CDH13: variants seen among roughly 807,000 people sequenced by gnomAD.
CDH13 encodes the protein cadherin-13.
Under a neutral mutation model 63.8 loss-of-function variants are expected in CDH13, and 24 were observed. The observed-to-expected ratio is 0.38, with a 90% confidence interval of 0.27 to 0.53. The LOEUF (loss-of-function observed/expected upper bound fraction) is 0.53, where lower values mean the gene tolerates loss of function less well. Ranked by LOEUF, CDH13 falls within the 20% of genes least tolerant of loss-of-function variation. The probability of loss-of-function intolerance (pLI) is 0.85; values close to 1 mark genes in which losing one functional copy is unlikely to be tolerated. For missense variants in CDH13, 1,049 were observed against 903.1 expected (o/e 1.16, Z -2.07); for synonymous variants, 503 against 355.3 (o/e 1.42, Z -4.67).
chr16:83,227,727 G>C (rs535069448), intron 5 of CDH13, among the ~76,000 whole-genome samples: 1 of 152,174 alleles, frequency 6.6e-6, no homozygotes, highest in Non-Finnish European at 1.5e-5. Flanking sequence ...GAGAAGTGGA[G>C]GAAAACAGGG....
intron 4 of CDH13, among the ~76,000 whole-genome samples, chr16:83,184,289 A>G (rs998062984): frequency 2.0e-5 from 3 of 152,230 alleles, no homozygotes; most frequent in Non-Finnish European, 4.4e-5. Context: ...GAAACCAATA[A>G]TCAGCCTCTT....
At chr16:82,983,235 T>A (rs1017449548) in intron 2 of CDH13, among the ~76,000 whole-genome samples, 1 of 152,128 alleles carries the variant, frequency 6.6e-6, no homozygotes, top group Non-Finnish European at 1.5e-5. Flanking sequence ...CCAGAACACT[T>A]TTTACTTAGC....
At chr16:83,186,198 G>C (rs2038518037) in intron 4 of CDH13, among the ~76,000 whole-genome samples, 1 of 150,982 alleles carries the variant, frequency 6.6e-6, no homozygotes, top group African/African-American at 2.4e-5. Context: ...GCAGTGGCGT[G>C]ATCTCGGATC....
At chr16:83,786,692 A>C (rs1321984007) in intron 13 of CDH13, among the ~76,000 whole-genome samples, 1 of 151,858 alleles carries the variant, frequency 6.6e-6, no homozygotes, top group Non-Finnish European at 1.5e-5. Context: ...GGTTCAAGTG[A>C]TTCTCCTGCC....
chr16:83,191,494 T>TATATATATATATATATATATATGCAC (rs2038704806), intron 4 of CDH13, among the ~76,000 whole-genome samples: 1 of 69,028 alleles, frequency 1.4e-5, no homozygotes, highest in Non-Finnish European at 2.8e-5. Context: ...TATATGCACA[T>TATATATATATATATATATATATGCAC]ATATATATAT....
intron 11 of CDH13, among the ~76,000 whole-genome samples, chr16:83,779,610 G>A (rs1437339158): frequency 1.3e-5 from 2 of 151,918 alleles, no homozygotes; most frequent in Non-Finnish European, 2.9e-5. Flanking sequence ...ATTGCTTGAC[G>A]CCAGGAGTTT....
chr16:83,401,627 T>C (rs1424453805), intron 6 of CDH13, among the ~76,000 whole-genome samples: 1 of 152,000 alleles, frequency 6.6e-6, no homozygotes, highest in Non-Finnish European at 1.5e-5. Context: ...CCTCATGAAG[T>C]GTATATACCA....
At chr16:83,511,649 C>G (rs949127585) in intron 7 of CDH13, among the ~76,000 whole-genome samples, 1 of 151,964 alleles carries the variant, frequency 6.6e-6, no homozygotes, top group Non-Finnish European at 1.5e-5. Flanking sequence ...AGTAAAAATT[C>G]TGATATGAGC....
intron 6 of CDH13, among the ~76,000 whole-genome samples, chr16:83,478,040 G>A (rs537713852): frequency 6.6e-6 from 1 of 151,706 alleles, no homozygotes; most frequent in East Asian, 1.9e-4. Context: ...AATTAGCCAG[G>A]CTTGGTGGTC....
chr16:83,469,675 C>A (rs1433958374), intron 6 of CDH13, among the ~76,000 whole-genome samples: 1 of 152,144 alleles, frequency 6.6e-6, no homozygotes, highest in Non-Finnish European at 1.5e-5. Flanking sequence ...CCACATGAGG[C>A]CTTTTCAGTC....
At chr16:83,404,692 G>T (rs914468932) in intron 6 of CDH13, among the ~76,000 whole-genome samples, 1 of 152,082 alleles carries the variant, frequency 6.6e-6, no homozygotes, top group Admixed American at 6.5e-5. Context: ...AATCTTCCTC[G>T]GTACCCTTCC....
At chr16:83,162,930 T>C (rs2037508982) in intron 4 of CDH13, among the ~76,000 whole-genome samples, 1 of 152,096 alleles carries the variant, frequency 6.6e-6, no homozygotes, top group South Asian at 2.1e-4. Flanking sequence ...CTCATTGATA[T>C]GGTTTGGCTG....
chr16:83,555,697 A>T (rs998066316), intron 7 of CDH13, among the ~76,000 whole-genome samples: 9 of 152,176 alleles, frequency 5.9e-5, no homozygotes, highest in Non-Finnish European at 1.3e-4. Flanking sequence ...TGTTTGGGGG[A>T]TAGTTTCTAA....
intron 11 of CDH13, among the ~76,000 whole-genome samples, chr16:83,766,092 C>T (rs1171433414): frequency 1.3e-5 from 2 of 152,164 alleles, no homozygotes; most frequent in African/African-American, 2.4e-5. Flanking sequence ...GAATGTGGGC[C>T]TCAGGCTTCC....
At chr16:82,867,604 T>G (rs2040193930) in intron 2 of CDH13, among the ~76,000 whole-genome samples, 1 of 152,182 alleles carries the variant, frequency 6.6e-6, no homozygotes, top group Non-Finnish European at 1.5e-5. Flanking sequence ...TGGAATCACA[T>G]TAATCATATT....
chr16:83,798,792 T>C lies in CDH13; in HGVS notation c.*3762T>C, dbSNP rs1258550748. On this transcript the variant is annotated 3_prime_UTR_variant, in exon 14 of 14. Transcript: ENST00000567109. ...CTATGAGGTACCCTTTACTATTAAG[T>C]ACCTTTTACTAACAGTATCTTCTGT... The C allele has an allele frequency of 6.6e-6, 1 of 152,142 alleles. No individual in the cohort carries two copies. The highest frequency in any genetic ancestry group is 2.4e-5 in the African/African-American group (1 of 41,428). The allele number at this position is 152,142 out of a possible 1,614,324, so 9.4% of individuals were successfully genotyped here.
intron 5 of CDH13, among the ~76,000 whole-genome samples, chr16:83,255,626 G>T (rs1368943625): frequency 6.6e-6 from 1 of 152,122 alleles, no homozygotes; most frequent in Non-Finnish European, 1.5e-5. Flanking sequence ...TTTGAAAATC[G>T]TCCTCTTGGC....
chr16:83,104,952 C>T lies in CDH13; in HGVS notation c.367-20433C>T, dbSNP rs118052830. Among the ~76,000 whole-genome samples, 591 of 152,314 alleles carry T rather than the reference C, an allele frequency of 3.9e-3. 4 individuals carry two copies. The highest frequency in any genetic ancestry group is 5.8e-3 in the Non-Finnish European group (396 of 68,020). ...AGTGCTCTGCATCTTCTCCCTCTCT[C>T]ATTTTCTCTGAGAAAGGAACGTGCC... On this transcript the variant is annotated intron_variant, in intron 3 of 13. Coordinates refer to ENST00000567109, the MANE Select transcript of CDH13 (RefSeq NM_001257.5).
intron 8 of CDH13, among the ~76,000 whole-genome samples, chr16:83,643,552 C>T (rs1342519103): frequency 1.3e-5 from 2 of 152,050 alleles, no homozygotes; most frequent in Non-Finnish European, 2.9e-5. Flanking sequence ...TAACCCAGCA[C>T]CTGCTACATA....
Sources: gnomAD v4.1 joint callset for allele counts (sites outside exome capture counted in the v4.1 genomes callset) on GRCh38, gnomAD v4.1.1 for gene constraint, MANE v1.5 for transcripts, NCBI Gene and HGNC (gene_info 2026-07-23, HGNC 2026-07-21) for gene names.